The following CTNND2 variants were observed in gnomAD, a reference collection of about 807,000 sequenced individuals.
CTNND2 encodes the protein catenin delta-2.
CTNND2 carries 22 observed loss-of-function variants against 144.4 expected under a neutral mutation model. That is an observed-to-expected ratio of 0.15 (90% CI 0.11 to 0.22). The LOEUF (loss-of-function observed/expected upper bound fraction) is 0.22. Ranked by LOEUF, CTNND2 falls within the 10% of genes least tolerant of loss-of-function variation. The probability of loss-of-function intolerance (pLI) is 1.00; values close to 1 mark genes in which losing one functional copy is unlikely to be tolerated. For synonymous variants in CTNND2, 751 were observed against 695.6 expected, an observed-to-expected ratio of 1.08 and a Z score of -1.25; for missense variants, 1,353 against 1,618.8, an observed-to-expected ratio of 0.84 and a Z score of 2.82.
At chr5:11,080,518 T>C (rs1749438740) in intron 16 of CTNND2, among the ~76,000 whole-genome samples, 2 of 152,248 alleles carry the variant, frequency 1.3e-5, no homozygotes, top group South Asian at 4.1e-4. Context: ...GAACCATTTA[T>C]AACTCTCATG....
At chr5:11,078,975 T>C (rs1392350749) in intron 16 of CTNND2, among the ~76,000 whole-genome samples, 1 of 152,230 alleles carries the variant, frequency 6.6e-6, no homozygotes, top group Non-Finnish European at 1.5e-5. Flanking sequence ...ATTTGCAGCC[T>C]GGCCTTGCAG....
intron 9 of CTNND2, among the ~76,000 whole-genome samples, chr5:11,261,875 C>T (rs1309089641): frequency 2.0e-5 from 3 of 151,998 alleles, no homozygotes; most frequent in Non-Finnish European, 4.4e-5. Context: ...GGTGATACAC[C>T]GTGAAACAAC....
rs187749217 is a variant in CTNND2 at position 11,803,251 on chromosome 5, C to T, written c.38-70979G>A. On this transcript the variant is annotated intron_variant, in intron 1 of 21. Coordinates refer to ENST00000304623, the MANE Select transcript of CTNND2 (RefSeq NM_001332.4). ...AGGAGAATCGCTTTAACCAGGGAGTCGGAGGTTGCAGTGAGCTGAGATTGC... is the reference window on the plus strand; with the variant it reads ...AGGAGAATCGCTTTAACCAGGGAGTTGGAGGTTGCAGTGAGCTGAGATTGC... 8.6e-4 allele frequency among the ~76,000 whole-genome samples: 131 copies of T among 151,606 alleles called. 1 individual carries two copies. The highest frequency in any genetic ancestry group is 2.5e-3 in the African/African-American group (102 of 41,328).
intron 9 of CTNND2, among the ~76,000 whole-genome samples, chr5:11,256,802 G>A (rs1454188388): frequency 6.6e-6 from 1 of 152,168 alleles, no homozygotes; most frequent in African/African-American, 2.4e-5. Flanking sequence ...GGCAACATCA[G>A]TGTACGCCAG....
chr5:11,600,398 T>G (rs549816075), intron 2 of CTNND2, among the ~76,000 whole-genome samples: 1 of 152,224 alleles, frequency 6.6e-6, no homozygotes, highest in African/African-American at 2.4e-5. Flanking sequence ...TACCAACATG[T>G]GTGCAAATTT....
At chr5:11,194,708 A>C (rs1216664209) in intron 11 of CTNND2, among the ~76,000 whole-genome samples, 1 of 152,218 alleles carries the variant, frequency 6.6e-6, no homozygotes, top group Non-Finnish European at 1.5e-5. Context: ...AAAAAAAGAA[A>C]AGCTGACAAT....
At chr5:11,874,877 C>A (rs962700990) in intron 1 of CTNND2, among the ~76,000 whole-genome samples, 3 of 152,048 alleles carry the variant, frequency 2.0e-5, no homozygotes, top group Non-Finnish European at 4.4e-5. Flanking sequence ...AGGTAAACAC[C>A]ATCATTAATT....
chr5:11,227,350 G>T (rs1379544582), intron 10 of CTNND2, among the ~76,000 whole-genome samples: 3 of 152,160 alleles, frequency 2.0e-5, no homozygotes, highest in Non-Finnish European at 4.4e-5. Flanking sequence ...CTTGCTCAAG[G>T]TCATGGAGCT....
intron 1 of CTNND2, among the ~76,000 whole-genome samples, chr5:11,810,242 G>T (rs1021247540): frequency 6.6e-6 from 1 of 151,918 alleles, no homozygotes; most frequent in Non-Finnish European, 1.5e-5. Flanking sequence ...GAGCTACCAC[G>T]TTAAGTTAAA....
intron 1 of CTNND2, among the ~76,000 whole-genome samples, chr5:11,764,591 CCCTTT>C (rs923186356): frequency 5.3e-5 from 8 of 152,124 alleles, no homozygotes; most frequent in Non-Finnish European, 1.2e-4. Flanking sequence ...TTGGACATTT[CCCTTT>C]CTTTTATGGG....
chr5:11,447,969 C>A (rs1407740310), intron 3 of CTNND2, among the ~76,000 whole-genome samples: 3 of 152,070 alleles, frequency 2.0e-5, no homozygotes, highest in African/African-American at 7.2e-5. Context: ...CTCAATTTTC[C>A]TGAGAATGAA....
chr5:11,897,696 C>T (rs1270945922), intron 1 of CTNND2, among the ~76,000 whole-genome samples: 2 of 152,114 alleles, frequency 1.3e-5, no homozygotes, highest in Non-Finnish European at 2.9e-5. Context: ...ACCATAGTTG[C>T]TACAAATCAA....
intron 9 of CTNND2, among the ~76,000 whole-genome samples, chr5:11,278,187 C>T (rs1746749693): frequency 6.6e-6 from 1 of 152,190 alleles, no homozygotes; most frequent in African/African-American, 2.4e-5. Context: ...TCCAATGCTT[C>T]TCTACAGTCG....
At chr5:11,839,092 G>A in intron 1 of CTNND2, among the ~76,000 whole-genome samples, 1 of 152,082 alleles carries the variant, frequency 6.6e-6, no homozygotes, top group Non-Finnish European at 1.5e-5. Flanking sequence ...AAATTCAGAG[G>A]CGTCTAGCTC....
intron 1 of CTNND2, among the ~76,000 whole-genome samples, chr5:11,780,122 C>G (rs368626033): frequency 7.2e-4 from 109 of 152,246 alleles, no homozygotes; most frequent in Middle Eastern, 3.4e-3. Flanking sequence ...CTACTGCAGA[C>G]AGTAGTACAT....
intron 19 of CTNND2, among the ~76,000 whole-genome samples, chr5:10,990,798 A>C (rs1579968632): frequency 6.6e-6 from 1 of 152,180 alleles, no homozygotes; most frequent in Non-Finnish European, 1.5e-5. Flanking sequence ...CTCGCCTAGG[A>C]AGTCCTGAGG....
At chr5:11,092,276 G>C (rs1179997050) in intron 15 of CTNND2, among the ~76,000 whole-genome samples, 1 of 152,044 alleles carries the variant, frequency 6.6e-6, no homozygotes, top group Non-Finnish European at 1.5e-5. Context: ...TTCCATCTTG[G>C]CATCTTGGCT....
At chr5:11,456,985 A>C (rs1765786101) in intron 3 of CTNND2, among the ~76,000 whole-genome samples, 1 of 152,240 alleles carries the variant, frequency 6.6e-6, no homozygotes, top group African/African-American at 2.4e-5. Context: ...GTAAACTGTA[A>C]AATAACAACA....
At chr5:11,490,272 T>C (rs1476078289) in intron 3 of CTNND2, among the ~76,000 whole-genome samples, 2 of 152,236 alleles carry the variant, frequency 1.3e-5, no homozygotes, top group Non-Finnish European at 2.9e-5. Context: ...TGGTTCACAA[T>C]TGTGTTTTAC....
Sources: gnomAD v4.1 joint callset for allele counts (sites outside exome capture counted in the v4.1 genomes callset) on GRCh38, gnomAD v4.1.1 for gene constraint, MANE v1.5 for transcripts, NCBI Gene and HGNC (gene_info 2026-07-23, HGNC 2026-07-21) for gene names.